Variants in DENND4C observed in about 807,000 individuals in gnomAD.
DENND4C encodes the protein DENN domain containing 4C, also known as DENN domain-containing protein 4C.
Under a neutral mutation model 203.0 loss-of-function variants are expected in DENND4C, and 108 were observed. The observed-to-expected ratio is 0.53, with a 90% CI of 0.46 to 0.62. The LOEUF (loss-of-function observed/expected upper bound fraction) is 0.62. Ranked by LOEUF, DENND4C falls within the 20% of genes least tolerant of loss-of-function variation. The probability of loss-of-function intolerance (pLI) is 0.00; values close to 1 mark genes in which losing one functional copy is unlikely to be tolerated. For missense variants in DENND4C, 2,481 were observed against 2,301.2 expected, an observed-to-expected ratio of 1.08 and a Z score of -1.60; for synonymous variants, 871 against 792.4, an observed-to-expected ratio of 1.10 and a Z score of -1.67.
chr9:19,303,531 T>C (rs765086301), intron 9 of DENND4C, among the ~76,000 whole-genome samples: 21 of 152,242 alleles, frequency 1.4e-4, no homozygotes, highest in Non-Finnish European at 2.8e-4. Flanking sequence ...CAGAAAAAGT[T>C]GCTGACTTTT....
chr9:19,334,137 C>T (rs114412290), intron 17 of DENND4C, among the ~76,000 whole-genome samples: 3,226 of 152,244 alleles, frequency 0.021, 124 homozygotes, highest in African/African-American at 0.073. Context: ...CTCCGACTCC[C>T]GGGTTCCAGC....
At chr9:19,289,828 CAA>C (rs377068068) in intron 4 of DENND4C, among the ~76,000 whole-genome samples, 2 of 126,714 alleles carry the variant, frequency 1.6e-5, no homozygotes, top group Admixed American at 8.4e-5. Context: ...GATCCTGTCT[CAA>C]AAAAAAAAAA....
Position 19,346,115 on chromosome 9 carries a change from A to G in DENND4C, c.3346A>G (p.Ser1116Gly). ...GAAGAGTAGTTTGGATTCGAATTCA[A>G]GTGAAATGGCTATCATGATGGGAGC... ...LKKSSLDSNS[S>G]EMAIMMGADA... is the part of the protein sequence containing the mutation. Residue 1116 changes from serine (S) to glycine (G), a missense_variant, in exon 23 of 33, where the codon AGT becomes GGT. Transcript: ENST00000434457. The G allele has an allele frequency of 9.3e-6, 15 of 1,614,210 alleles. No homozygotes were observed. Among genetic ancestry groups the G allele is most frequent in the Non-Finnish European group, 1.2e-5 (14 of 1,180,032 alleles).
In DENND4C at chr9:19,352,525, T is replaced by C. The variant is rs1417845506; in HGVS notation, c.4641T>C (p.Cys1547=). The C allele has an allele frequency of 5.7e-6, 9 of 1,579,316 alleles. No individual in the cohort carries two copies. The highest frequency in any genetic ancestry group is 7.8e-6 in the Non-Finnish European group (9 of 1,161,190). Residue 1547 remains cysteine (C), a synonymous_variant, in exon 26 of 33, where the codon TGT becomes TGC. Coordinates refer to ENST00000434457, the MANE Select transcript of DENND4C (RefSeq NM_001330640.2). ...CCAGTTGTTCACAGTGTAGAGCTTG[T>C]GGAGCTTTAGTTTATGATGAAGAAA... ...LMSSCSQCRA[C]GALVYDEEIM...
intron 2 of DENND4C, among the ~76,000 whole-genome samples, chr9:19,280,086 A>G (rs1391805018): frequency 6.6e-6 from 1 of 151,854 alleles, no homozygotes; most frequent in Non-Finnish European, 1.5e-5. Flanking sequence ...ATTAGCTTTT[A>G]TTTGAAGGGG....
intron 30 of DENND4C, among the ~76,000 whole-genome samples, chr9:19,363,785 T>C (rs971929203): frequency 2.0e-5 from 3 of 151,648 alleles, no homozygotes; most frequent in Admixed American, 6.6e-5. Context: ...TCGAGGCAGG[T>C]GGATCACTTG....
intron 2 of DENND4C, among the ~76,000 whole-genome samples, chr9:19,276,892 G>T: frequency 6.6e-6 from 1 of 152,022 alleles, no homozygotes; most frequent in East Asian, 1.9e-4. Context: ...CTAAAGAGCA[G>T]TCCTATTTTA....
intron 8 of DENND4C, among the ~76,000 whole-genome samples, chr9:19,299,706 C>T (rs1296149688): frequency 6.6e-6 from 1 of 152,178 alleles, no homozygotes; most frequent in Non-Finnish European, 1.5e-5. Flanking sequence ...TACCTTTTTA[C>T]TTATCTTCCT....
At chr9:19,247,305 T>C (rs915134287) in intron 1 of DENND4C, among the ~76,000 whole-genome samples, 4 of 152,216 alleles carry the variant, frequency 2.6e-5, no homozygotes, top group African/African-American at 9.6e-5. Flanking sequence ...GAGTATCTTA[T>C]CTAATGCTAT....
At chr9:19,328,657 G>GTCTA (rs60484849) in intron 16 of DENND4C, among the ~76,000 whole-genome samples, 36,778 of 119,036 alleles carry the variant, frequency 0.31, 5,047 homozygotes, top group Non-Finnish European at 0.36. Flanking sequence ...CTGTCTGTCT[G>GTCTA]TCTATCTATC....
At chr9:19,331,228 G>A (rs1363492334) in intron 16 of DENND4C, among the ~76,000 whole-genome samples, 1 of 149,452 alleles carries the variant, frequency 6.7e-6, no homozygotes, top group Non-Finnish European at 1.5e-5. Flanking sequence ...TTTTGAGATG[G>A]AGTATCGCTC....
At chr9:19,309,561 A>G (rs1320094521) in intron 10 of DENND4C, among the ~76,000 whole-genome samples, 1 of 152,102 alleles carries the variant, frequency 6.6e-6, no homozygotes, top group African/African-American at 2.4e-5. Context: ...TTAAAAAGTC[A>G]TGGTATGAGA....
At chr9:19,231,863 C>T (rs767523371) in intron 1 of DENND4C, among the ~76,000 whole-genome samples, 26 of 151,614 alleles carry the variant, frequency 1.7e-4, no homozygotes, top group Non-Finnish European at 3.7e-4. Flanking sequence ...TCTTCCTAGG[C>T]CCTAATTTAC....
Position 19,346,177 on chromosome 9 carries a change from T to C in DENND4C, c.3408T>C (p.Pro1136=), listed in dbSNP as rs1267022139. ...TTCTCACAGCAGCATTGACATGTCC[T>C]AAGACTTCTCTACTTCATATTGCAA... ...AKILTAALTC[P]KTSLLHIART... is the part of the protein sequence containing the mutation. The change falls in exon 23 of 33, where the codon CCT becomes CCC. Residue 1136 remains proline (P), a synonymous_variant. Coordinates refer to ENST00000434457, the MANE Select transcript of DENND4C (RefSeq NM_001330640.2). 1 of 1,614,118 alleles carries C rather than the reference T, an allele frequency of 6.2e-7. No homozygotes were observed. Among genetic ancestry groups the C allele is most frequent in the Non-Finnish European group, 8.5e-7 (1 of 1,180,038 alleles).
Position 19,324,413 on chromosome 9 carries a change from C to G in DENND4C, c.1859C>G (p.Ser620Cys), listed in dbSNP as rs1202874940. ...TATGCAAAATTCTATACCCTTTTATCCAAAACACAGATTTTTATTCGTTTC... is the reference window on the plus strand; with the variant it reads ...TATGCAAAATTCTATACCCTTTTATGCAAAACACAGATTTTTATTCGTTTC... ...RAYAKFYTLL[S>C]KTQIFIRFIE... Residue 620 changes from serine to cysteine, a missense_variant, in exon 13 of 33, where the codon TCC becomes TGC. Ser to Cys is a moderately radical substitution (Grantham distance 112, BLOSUM62 -1). Around this residue, in one of 3 missense-constraint regions of DENND4C, gnomAD observed 2,289 missense variants for 2,113.3 expected, o/e 1.08. Transcript: ENST00000434457. 1 of 1,612,554 alleles carries G rather than the reference C, an allele frequency of 6.2e-7. No individual in the cohort carries two copies. Among genetic ancestry groups the G allele is most frequent in the Non-Finnish European group, 8.5e-7 (1 of 1,179,482 alleles).
chr9:19,284,577 A>T (rs575128736), intron 2 of DENND4C, among the ~76,000 whole-genome samples: 1 of 152,080 alleles, frequency 6.6e-6, no homozygotes, highest in East Asian at 1.9e-4. Flanking sequence ...TCTGCCATAT[A>T]TGTGTTTTTT....
intron 4 of DENND4C, among the ~76,000 whole-genome samples, chr9:19,290,225 A>G (rs1564123648): frequency 6.6e-6 from 1 of 152,032 alleles, no homozygotes. Context: ...TTTCTGTCTC[A>G]TTTACTTTTC....
At position 19,336,681 on chromosome 9, in the gene DENND4C, T is replaced by C; in HGVS notation, c.2735-5T>C. 1 of 1,550,556 alleles carries C rather than the reference T, an allele frequency of 6.4e-7. No individual in the cohort carries two copies. The highest frequency in any genetic ancestry group is 1.2e-5 in the South Asian group (1 of 83,944). ...TTATTGAACTGCTATTGTCCTTATC[T>C]TTAGCTCTTCAAAATGTCACAGGTG... On this transcript the variant is annotated splice_region_variant and splice_polypyrimidine_tract_variant and intron_variant, in intron 19 of 32. Transcript: ENST00000434457.
At chr9:19,340,926 G>GGTCGCCGT in intron 20 of DENND4C, 66 bp from the exon 21 acceptor site, 2 of 1,289,276 alleles carry the variant, frequency 1.6e-6, no homozygotes, top group Middle Eastern at 2.1e-4. Flanking sequence ...ATTTTCTTGT[G>GGTCGCCGT]ATTTTTATAT....
Sources: gnomAD v4.1 joint callset for allele counts (sites outside exome capture counted in the v4.1 genomes callset) on GRCh38, gnomAD v4.1.1 for gene constraint, gnomAD v4.1.1 regional missense constraint, MANE v1.5 for transcripts, NCBI Gene and HGNC (gene_info 2026-07-23, HGNC 2026-07-21) for gene names.